Variants in CDC42BPA observed in about 807,000 individuals in gnomAD.
CDC42BPA encodes serine/threonine-protein kinase MRCK alpha.
Under a neutral mutation model 223.5 loss-of-function variants are expected in CDC42BPA, and 80 were observed. The observed-to-expected ratio is 0.36, with a 90% CI of 0.30 to 0.43. The LOEUF (loss-of-function observed/expected upper bound fraction) is 0.43, where lower values mean the gene tolerates loss of function less well. CDC42BPA is among the 20% of genes least tolerant of loss of function. CDC42BPA has a pLI of 1.00. For missense variants in CDC42BPA, 1,743 were observed against 2,099.9 expected (o/e 0.83, Z 3.32); for synonymous variants, 694 against 718.6 (o/e 0.97, Z 0.55).
intron 5 of CDC42BPA, among the ~76,000 whole-genome samples, chr1:227,174,878 G>A (rs564214193): frequency 5.3e-5 from 8 of 152,268 alleles, no homozygotes; most frequent in Middle Eastern, 6.8e-3. Context: ...CATGTAACCT[G>A]CTTGCCCTCA....
rs1295362227 is a variant in CDC42BPA, at chr1:227,294,807, C to T, written c.178+22198G>A. 3.2e-5 allele frequency among the ~76,000 whole-genome samples: 2 copies of T among 62,336 alleles called. 1 individual carries two copies. Among genetic ancestry groups the T allele is most frequent in the Admixed American group, 4.3e-4 (2 of 4,662 alleles). 40.9% of individuals were successfully genotyped at this position (62,336 alleles called of 152,430 possible). A position where few individuals can be genotyped will look rare whatever the true frequency, so the allele number is the denominator to read the frequency against. On this transcript the variant is annotated intron_variant, in intron 1 of 36. Coordinates refer to ENST00000366766, the MANE Select transcript of CDC42BPA (RefSeq NM_001394014.1). ...CCCGGGAGGCGGAGCTTGCAGTGAG[C>T]CGAGATCGCGCCACTGCACTCCAGC...
intron 11 of CDC42BPA, among the ~76,000 whole-genome samples, chr1:227,121,018 G>A (rs955237605): frequency 1.3e-5 from 2 of 152,266 alleles, no homozygotes; most frequent in African/African-American, 4.8e-5. Flanking sequence ...TAATGCCACC[G>A]CTGATCTGAC....
chr1:227,153,930 A>C (rs1037972971), intron 6 of CDC42BPA, among the ~76,000 whole-genome samples: 4 of 151,894 alleles, frequency 2.6e-5, no homozygotes, highest in Non-Finnish European at 5.9e-5. Context: ...AAATGACCTA[A>C]ACCTAAAAAT....
intron 1 of CDC42BPA, among the ~76,000 whole-genome samples, chr1:227,273,987 G>T (rs1167492210): frequency 1.6e-5 from 1 of 63,886 alleles, no homozygotes; most frequent in East Asian, 5.0e-4. Flanking sequence ...TCAAATATTC[G>T]TATACACCAA....
chr1:227,283,702 C>T lies in CDC42BPA; in HGVS notation c.179-29547G>A, dbSNP rs112971822. 4.2e-3 allele frequency among the ~76,000 whole-genome samples: 646 copies of T among 152,194 alleles called. 6 individuals are homozygous for T. The highest frequency in any genetic ancestry group is 0.015 in the African/African-American group (626 of 41,526). ...TATTTGGGTGATGAGTACGGAAGCC[C>T]AACCCCCCACCATTATGCATGTAAT... On this transcript the variant is annotated intron_variant, in intron 1 of 36. Coordinates refer to ENST00000366766, the MANE Select transcript of CDC42BPA (RefSeq NM_001394014.1).
At chr1:227,064,549 G>GA (rs1676586074) in intron 21 of CDC42BPA, among the ~76,000 whole-genome samples, 1 of 152,112 alleles carries the variant, frequency 6.6e-6, no homozygotes, top group Non-Finnish European at 1.5e-5. Flanking sequence ...AAAGAAATGG[G>GA]AAAATCTAAG....
chr1:227,125,747 G>A (rs916401099), intron 11 of CDC42BPA, among the ~76,000 whole-genome samples: 11 of 151,748 alleles, frequency 7.2e-5, no homozygotes, highest in Admixed American at 5.3e-4. Context: ...GTTGGGTTTC[G>A]GATCCAAAGC....
intron 5 of CDC42BPA, chr1:227,180,589 T>C (rs1453669800): frequency 2.0e-5 from 3 of 152,154 alleles, no homozygotes; most frequent in Admixed American, 1.3e-4. Flanking sequence ...CAAGGTAAGA[T>C]CTAAGTCACT....
intron 2 of CDC42BPA, among the ~76,000 whole-genome samples, chr1:227,228,505 G>C (rs1435467240): frequency 3.3e-5 from 5 of 152,110 alleles, no homozygotes; most frequent in Admixed American, 6.5e-5. Context: ...ACAAGTTTTT[G>C]TGTGTACCTA....
intron 13 of CDC42BPA, 81 bp downstream of exon 13, chr1:227,112,590 A>C (rs1391047715): frequency 3.6e-6 from 4 of 1,126,646 alleles, no homozygotes; most frequent in Admixed American, 5.7e-5. Flanking sequence ...TATTTTAAAA[A>C]TTATATATTA....
At chr1:227,223,302 C>T (rs2203278) in intron 2 of CDC42BPA, among the ~76,000 whole-genome samples, 47,421 of 151,876 alleles carry the variant, frequency 0.31, 7,602 homozygotes, top group East Asian at 0.37. Context: ...CAATAAGCAG[C>T]TTCCTTTCCT....
At chr1:227,306,454 C>T (rs1692566731) in intron 1 of CDC42BPA, among the ~76,000 whole-genome samples, 2 of 152,106 alleles carry the variant, frequency 1.3e-5, no homozygotes, top group Non-Finnish European at 2.9e-5. Context: ...TAATCACAGC[C>T]TCAAGCAACA....
chr1:227,155,609 T>A (rs1036406059), intron 6 of CDC42BPA, among the ~76,000 whole-genome samples: 8 of 152,182 alleles, frequency 5.3e-5, no homozygotes, highest in Non-Finnish European at 7.4e-5. Context: ...AAAAAGGAAC[T>A]GCTAAATTCC....
chr1:227,297,967 T>TATATATATATATATACAC (rs369403944), intron 1 of CDC42BPA, among the ~76,000 whole-genome samples: 10 of 132,078 alleles, frequency 7.6e-5, no homozygotes, highest in African/African-American at 1.8e-4. Flanking sequence ...TATATACATA[T>TATATATATATATATACAC]ACACACACAC....
At position 227,071,387 on chromosome 1, in the gene CDC42BPA, CT is replaced by C. The variant is rs1272186984; in HGVS notation, c.2827+820del. On this transcript the variant is annotated intron_variant, in intron 20 of 36. Transcript: ENST00000366766. ...TCAAATAAATGTATATAAGATATCC[CT>C]TTATTTTAAAAATATCTGAATTTCT... Among the ~76,000 whole-genome samples, 19 of 151,916 alleles carry C rather than the reference CT, an allele frequency of 1.3e-4. No homozygotes were observed. In the East Asian group the frequency reaches 2.7e-3, roughly 22 times the overall value.
chr1:227,198,220 C>A (rs1461134019), intron 4 of CDC42BPA, among the ~76,000 whole-genome samples: 1 of 151,530 alleles, frequency 6.6e-6, no homozygotes, highest in African/African-American at 2.4e-5. Flanking sequence ...GGGGGTCAAG[C>A]TGAGAGGATC....
At chr1:227,034,504 T>C (rs1169517645) in intron 26 of CDC42BPA, 151 bp downstream of exon 26, 1 of 715,654 alleles carries the variant, frequency 1.4e-6, no homozygotes, top group Non-Finnish European at 2.2e-6. Flanking sequence ...TACTTCCTAT[T>C]TTCAATTCTG....
intron 1 of CDC42BPA, among the ~76,000 whole-genome samples, chr1:227,306,389 T>C (rs1281467475): frequency 6.6e-6 from 1 of 152,126 alleles, no homozygotes; most frequent in Non-Finnish European, 1.5e-5. Context: ...CTACTACACT[T>C]AACTGGGATT....
At chr1:227,222,568 C>T (rs1043192388) in intron 2 of CDC42BPA, among the ~76,000 whole-genome samples, 5 of 152,280 alleles carry the variant, frequency 3.3e-5, no homozygotes, top group East Asian at 3.9e-4. Flanking sequence ...ATCACACCCC[C>T]GTTCCAGAGA....
Sources: allele counts gnomAD v4.1 joint callset (sites outside exome capture counted in the v4.1 genomes callset), GRCh38; gene constraint gnomAD v4.1.1; transcripts MANE v1.5; gene names NCBI Gene and HGNC (gene_info 2026-07-23, HGNC 2026-07-21).